The following WIZ variants were observed in gnomAD, a reference collection of about 807,000 sequenced individuals.
WIZ encodes protein Wiz.
In WIZ, 25 loss-of-function variants were observed where a neutral mutation model predicts 140.2. That is an observed-to-expected ratio of 0.18 (90% CI 0.13 to 0.25). The LOEUF (loss-of-function observed/expected upper bound fraction) is 0.25, where lower values mean the gene tolerates loss of function less well. Among genes scored for constraint, WIZ ranks in the 10% least tolerant of loss-of-function variants. The pLI is 1.00. For synonymous variants in WIZ, 1,125 were observed against 1,154.3 expected (o/e 0.97, Z 0.51); for missense variants, 2,231 against 2,632.6 (o/e 0.85, Z 3.34).
In WIZ at chr19:15,439,194, G is replaced by T. The variant is rs999533043; in HGVS notation, c.1800C>A (p.Thr600=). 1 of 1,535,524 alleles carries T rather than the reference G, an allele frequency of 6.5e-7. No individual in the cohort carries two copies. The highest frequency in any genetic ancestry group is 1.4e-5 in the African/African-American group (1 of 73,148). ...GTTCCCCCAGCCCTTGTGGGTGGAC[G>T]GTGCTTTTGTTTCTCCCGAGCTGTA... ...YSLQLGRNKS[T]VHPQGLGERR... Residue 600 remains threonine, a synonymous_variant, in exon 4 of 13, where the codon ACC becomes ACA. Transcript: ENST00000673675. The surrounding 1 kb of genome is among the most constrained non-coding windows in gnomAD (Gnocchi z 7.0).
chr19:15,427,876 C>G lies in WIZ; in HGVS notation c.3814+234G>C, dbSNP rs1968950481. Among the ~76,000 whole-genome samples the G allele has an allele frequency of 1.3e-5, 2 of 152,174 alleles. No individual in the cohort carries two copies. Among genetic ancestry groups the G allele is most frequent in the Admixed American group, 6.5e-5 (1 of 15,290 alleles). On this transcript the variant is annotated intron_variant, in intron 8 of 12. Transcript: ENST00000673675. This position sits in a 1 kb window ranked among gnomAD's most constrained non-coding sequence, Gnocchi z 6.4. Reference sequence around the variant, plus strand: ...GGGGCAGATGTGGGTGCTCTGCACACTAAAAGGCAGGATCTCCCCACCTTG... The same window carrying G: ...GGGGCAGATGTGGGTGCTCTGCACAGTAAAAGGCAGGATCTCCCCACCTTG...
chr19:15,425,955 A>C (rs1283493433), intron 9 of WIZ, among the ~76,000 whole-genome samples, 187 bp from the exon 10 acceptor site: 1 of 149,534 alleles, frequency 6.7e-6, no homozygotes, highest in South Asian at 2.1e-4. Context: ...CCAAGCTCAA[A>C]GCCCCCGTAT....
chr19:15,440,133 C>A lies in WIZ; in HGVS notation c.861G>T (p.Gly287=), dbSNP rs924236354. 2.0e-6 allele frequency: 3 copies of A among 1,533,106 alleles called. No homozygotes were observed. In the African/African-American group the frequency reaches 4.1e-5, roughly 21 times the overall value. 95.0% of individuals were successfully genotyped at this position (1,533,106 alleles called of 1,614,324 possible). A position where few individuals can be genotyped will look rare whatever the true frequency, so the allele number is the denominator to read the frequency against. The part of the protein sequence containing the change: ...LQPLLPPIRT[G]PYLCELLEEV... ...CCTCCAGCAGCTCACACAGGTAGGGCCCGGTCCGGATCGGGGGCAGTAGCG... is the reference window on the plus strand; with the variant it reads ...CCTCCAGCAGCTCACACAGGTAGGGACCGGTCCGGATCGGGGGCAGTAGCG... Residue 287 remains glycine, a synonymous_variant, in exon 4 of 13, where the codon GGG becomes GGT. Transcript: ENST00000673675. This position sits in a 1 kb window ranked among gnomAD's most constrained non-coding sequence, Gnocchi z 6.2.
chr19:15,428,323 G>A lies in WIZ; in HGVS notation c.3601C>T (p.Arg1201Cys), dbSNP rs867874300. 9 of 1,534,032 alleles carry A rather than the reference G, an allele frequency of 5.9e-6. No individual in the cohort carries two copies. The Admixed American group carries it at 5.9e-5, about 10-fold the overall frequency. Reference sequence around the variant, plus strand: ...AGGGCGCCGCGCCTGGGTGGGAGGCGGATCTGGACGCCGTCCCTCCTGATG... The same window carrying A: ...AGGGCGCCGCGCCTGGGTGGGAGGCAGATCTGGACGCCGTCCCTCCTGATG... ...GLIRRDGVQI[R>C]LPPRRGALAH... Residue 1201 changes from arginine to cysteine, a missense_variant, in exon 8 of 13, where the codon CGC (arginine) becomes TGC (cysteine). Arg to Cys is a radical substitution (Grantham distance 180, BLOSUM62 -3). Around this residue, in one of 15 missense-constraint regions of WIZ, gnomAD observed 141 missense variants for 161.2 expected, o/e 0.87. Transcript: ENST00000673675. The surrounding 1 kb of genome is among the most constrained non-coding windows in gnomAD (Gnocchi z 6.4).
In WIZ at chr19:15,439,832, G is replaced by A; in HGVS notation, c.1162C>T (p.Leu388=). The A allele has an allele frequency of 6.5e-7, 1 of 1,529,740 alleles. No individual in the cohort carries two copies. Among genetic ancestry groups the A allele is most frequent in the African/African-American group, 1.4e-5 (1 of 72,952 alleles). The allele number at this position is 1,529,740 out of a possible 1,614,324, so 94.8% of individuals were successfully genotyped here. ...CCCTCGTCTCCTGGAACTTGCTTCA[G>A]CTTTTGGATCTCCTCAATGATCTTC... is the stretch of plus-strand genomic sequence containing the variant. ...REKIIEEIQK[L]KQVPGDEGRE... The change falls in exon 4 of 13, where the codon CTG becomes TTG. Residue 388 remains leucine, a synonymous_variant. Transcript: ENST00000673675. This position sits in a 1 kb window ranked among gnomAD's most constrained non-coding sequence, Gnocchi z 7.0.
In WIZ at chr19:15,449,839, T is replaced by TC. The variant is rs1410694173; in HGVS notation, c.-103dup. On this transcript the variant is annotated 5_prime_UTR_variant, in exon 1 of 13. Transcript: ENST00000673675. ...CCGGCCAGGTGCCGGGGCTCGGAGC[T>TC]CCCCTCCTTGGTGCGGCCGTCGCTG... 4 of 147,584 alleles carry TC rather than the reference T, an allele frequency of 2.7e-5. No individual in the cohort carries two copies. Among genetic ancestry groups the TC allele is most frequent in the African/African-American group, 9.9e-5 (4 of 40,362 alleles). 9.1% of individuals were successfully genotyped at this position (147,584 alleles called of 1,614,324 possible). A position where few individuals can be genotyped will look rare whatever the true frequency, so the allele number is the denominator to read the frequency against.
rs1969323480 is a variant in WIZ at position 15,432,518 on chromosome 19, G to C, written c.2741-1336C>G. 7.3e-6 allele frequency: 7 copies of C among 953,686 alleles called. No homozygotes were observed. The South Asian group carries it at 1.9e-4, about 25-fold the overall frequency. 59.1% of individuals were successfully genotyped at this position (953,686 alleles called of 1,614,324 possible). A position where few individuals can be genotyped will look rare whatever the true frequency, so the allele number is the denominator to read the frequency against. On this transcript the variant is annotated intron_variant, in intron 5 of 12. Coordinates refer to ENST00000673675, the MANE Select transcript of WIZ (RefSeq NM_001371589.1). ...CGCGGCGGCGGTGGCGGTGGCGGTGGTGGTGGCGGCGGCGGCGGGGGTGGG... is the reference window on the plus strand; with the variant it reads ...CGCGGCGGCGGTGGCGGTGGCGGTGCTGGTGGCGGCGGCGGCGGGGGTGGG...
At chr19:15,429,484 G>GCCCCCC in intron 7 of WIZ, 102 bp downstream of exon 7, 5 of 319,062 alleles carry the variant, frequency 1.6e-5, no homozygotes, top group Non-Finnish European at 2.7e-5. Context: ...AGTCCCCACC[G>GCCCCCC]CCCCCACCCA....
At position 15,431,100 on chromosome 19, in the gene WIZ, C is replaced by T; in HGVS notation, c.2823G>A (p.Gly941=). ...SLPKKSLPVP[G]ALEQVASRLS... ...GCCGACTGGCCACCTGCTCCAGGGC[C>T]CCAGGGACAGGCAGGCTCTTCTTAG... The change falls in exon 6 of 13, where the codon GGG becomes GGA. Residue 941 remains glycine, a synonymous_variant. Coordinates refer to ENST00000673675, the MANE Select transcript of WIZ (RefSeq NM_001371589.1). 6.5e-7 allele frequency: 1 copy of T among 1,535,952 alleles called. No individual in the cohort carries two copies. Among genetic ancestry groups the T allele is most frequent in the Non-Finnish European group, 8.7e-7 (1 of 1,146,826 alleles).
At chr19:15,423,999 T>C (rs970447048) in intron 12 of WIZ, 184 bp downstream of exon 12, 21 of 518,816 alleles carry the variant, frequency 4.0e-5, no homozygotes, top group African/African-American at 3.4e-4. Flanking sequence ...GAGTTGGGAT[T>C]TGAACCCAGG....
In WIZ at chr19:15,424,367, G is replaced by T. The variant is rs1272245368; in HGVS notation, c.5326C>A (p.Arg1776=). ...QRQNINKFER[R]QARPPDASAA... Reference sequence around the variant, plus strand: ...GAGGCATCTGGAGGGCGGGCTTGTCGGCGTTCAAATTCTAAGGTGGAGAGG... The same window carrying T: ...GAGGCATCTGGAGGGCGGGCTTGTCTGCGTTCAAATTCTAAGGTGGAGAGG... The change falls in exon 12 of 13, where the codon CGA becomes AGA. Residue 1776 remains arginine, a synonymous_variant. Transcript: ENST00000673675. The surrounding 1 kb of genome is among the most constrained non-coding windows in gnomAD (Gnocchi z 9.7). The T allele has an allele frequency of 1.2e-6, 2 of 1,601,712 alleles. No individual in the cohort carries two copies. Among genetic ancestry groups the T allele is most frequent in the South Asian group, 2.2e-5 (2 of 90,058 alleles).
In WIZ at chr19:15,427,317, C is replaced by T. The variant is rs548247215; in HGVS notation, c.4031G>A (p.Ser1344Asn). The part of the protein sequence containing the change: ...PGGPPNPPGP[S>N]PKALAKMMGG... ...CATCATCTTGGCCAGGGCTTTTGGG[C>T]TTGGCCCTGGTGGGTTGGGAGGTCC... The change falls in exon 9 of 13, where the codon AGC becomes AAC. Residue 1344 changes from serine to asparagine, a missense_variant. Ser to Asn is a conservative substitution (Grantham distance 46). Transcript: ENST00000673675. The surrounding 1 kb of genome is among the most constrained non-coding windows in gnomAD (Gnocchi z 6.4). 38 of 1,613,656 alleles carry T rather than the reference C, an allele frequency of 2.4e-5. No homozygotes were observed. The East Asian group carries it at 8.0e-4, about 34-fold the overall frequency.
rs921490462 is a variant in WIZ at position 15,428,055 on chromosome 19, C to T, written c.3814+55G>A. On this transcript the variant is annotated intron_variant, in intron 8 of 12. Transcript: ENST00000673675. The surrounding 1 kb of genome is among the most constrained non-coding windows in gnomAD (Gnocchi z 6.4). ...AGGGAGGGGGCTGTGACCCCCCCCC[C>T]GGGAGGGGCTCCAGGGCCCGCAGTG... 9 of 1,511,318 alleles carry T rather than the reference C, an allele frequency of 6.0e-6. No homozygotes were observed. Among genetic ancestry groups the T allele is most frequent in the South Asian group, 1.3e-5 (1 of 79,918 alleles). 93.6% of individuals were successfully genotyped at this position (1,511,318 alleles called of 1,614,324 possible). A position where few individuals can be genotyped will look rare whatever the true frequency, so the allele number is the denominator to read the frequency against.
At chr19:15,445,271 T>C (rs1432599413) in intron 2 of WIZ, among the ~76,000 whole-genome samples, 7 of 152,196 alleles carry the variant, frequency 4.6e-5, no homozygotes, top group Admixed American at 6.5e-5. Context: ...GCCAAGAACC[T>C]AGATTCTGGA....
At position 15,427,224 on chromosome 19, in the gene WIZ, G is replaced by A. The variant is rs778734918; in HGVS notation, c.4124C>T (p.Ala1375Val). Reference sequence around the variant, plus strand: ...GCCCGGTGGTGGTGGCAACTTCTTGGCCAAGGGTGAGATGTGAAGGTCCGA... The same window carrying A: ...GCCCGGTGGTGGTGGCAACTTCTTGACCAAGGGTGAGATGTGAAGGTCCGA... Reference protein sequence around the residue: ...SPSDLHISPLAKKLPPPPGSP... With the variant: ...SPSDLHISPLVKKLPPPPGSP... Residue 1375 changes from alanine (A) to valine (V), a missense_variant, in exon 9 of 13, where the codon GCC (alanine) becomes GTC (valine). Ala to Val is a moderately conservative substitution (Grantham distance 64). Transcript: ENST00000673675. The surrounding 1 kb of genome is among the most constrained non-coding windows in gnomAD (Gnocchi z 6.4). 6.2e-7 allele frequency: 1 copy of A among 1,614,086 alleles called. No homozygotes were observed. Among genetic ancestry groups the A allele is most frequent in the African/African-American group, 1.3e-5 (1 of 75,012 alleles).
chr19:15,436,506 G>A, intron 5 of WIZ: 2 of 345,292 alleles, frequency 5.8e-6, no homozygotes, highest in Non-Finnish European at 1.0e-5. Context: ...GTTCATGTTT[G>A]TAAAGTGCTT....
chr19:15,434,700 T>C (rs1969455327), intron 5 of WIZ, among the ~76,000 whole-genome samples: 2 of 152,222 alleles, frequency 1.3e-5, no homozygotes, highest in African/African-American at 4.8e-5. Context: ...AACTACTTTT[T>C]GTAGCCAAGT....
rs866551970 is a variant in WIZ at position 15,438,542 on chromosome 19, G to T, written c.2416+36C>A. ...GATCAACGGTGGGTTGCCCAGCCATGTGTCTCCTGGGCCTTTAAAAGTGAA... is the reference window on the plus strand; with the variant it reads ...GATCAACGGTGGGTTGCCCAGCCATTTGTCTCCTGGGCCTTTAAAAGTGAA... On this transcript the variant is annotated intron_variant, in intron 4 of 12. Transcript: ENST00000673675. 39 of 1,457,120 alleles carry T rather than the reference G, an allele frequency of 2.7e-5. 1 individual carries two copies. In the Middle Eastern group the frequency reaches 1.9e-3, roughly 70 times the overall value. The allele number at this position is 1,457,120 out of a possible 1,614,324, so 90.3% of individuals were successfully genotyped here.
rs916721179 is a variant in WIZ at position 15,438,830 on chromosome 19, G to A, written c.2164C>T (p.Leu722=). 3 of 1,497,008 alleles carry A rather than the reference G, an allele frequency of 2.0e-6. No homozygotes were observed. In the African/African-American group the frequency reaches 4.2e-5, roughly 21 times the overall value. The allele number at this position is 1,497,008 out of a possible 1,614,324, so 92.7% of individuals were successfully genotyped here. ...AGAHPLDFLL[L]DAPLGGPLGL... ...AGCGGGCCGCCCAGCGGCGCGTCCA[G>A]GAGCAGGAAGTCCAGGGGGTGGGCG... is the stretch of plus-strand genomic sequence containing the variant. The change falls in exon 4 of 13, where the codon CTG becomes TTG. Residue 722 remains leucine, a synonymous_variant. Transcript: ENST00000673675.
Sources: gnomAD v4.1 joint callset for allele counts (sites outside exome capture counted in the v4.1 genomes callset) on GRCh38, gnomAD v4.1.1 for gene constraint, gnomAD v4.1.1 regional missense constraint, Gnocchi (gnomAD v3.1) non-coding constraint, MANE v1.5 for transcripts, NCBI Gene and HGNC (gene_info 2026-07-23, HGNC 2026-07-21) for gene names.